The following EIF2B4 variants were observed in gnomAD, a reference collection of about 807,000 sequenced individuals.
EIF2B4 encodes eukaryotic translation initiation factor 2B subunit delta, also known as translation initiation factor eIF2B subunit delta.
In EIF2B4, 34 loss-of-function variants were observed where a neutral mutation model predicts 66.7. The observed-to-expected ratio is 0.51, with a 90% CI of 0.39 to 0.68. EIF2B4 has a LOEUF of 0.68. EIF2B4 is among the 30% of genes least tolerant of loss of function. EIF2B4 has a pLI of 0.00. For missense variants in EIF2B4, 618 were observed against 657.9 expected, an observed-to-expected ratio of 0.94 and a Z score of 0.66; for synonymous variants, 278 against 253.6, an observed-to-expected ratio of 1.10 and a Z score of -0.92.
rs754354365 is a variant in EIF2B4 at position 27,366,882 on chromosome 2, A to G, written c.1068T>C (p.Phe356=). 3.7e-6 allele frequency: 6 copies of G among 1,613,722 alleles called. No individual in the cohort carries two copies. The highest frequency in any genetic ancestry group is 5.1e-6 in the Non-Finnish European group (6 of 1,179,634). ...GCCGGCTGTCCACCACTACCACCCG[A>G]AACCGCCGGCCCTCTGTCCAAGCCT... The part of the protein sequence containing the change: ...LQEAWTEGRR[F]RVVVVDSRPW... The change falls in exon 11 of 13, where the codon TTT becomes TTC. Residue 356 remains phenylalanine (F), a synonymous_variant. Transcript: ENST00000347454.
chr2:27,369,820 G>A (rs1260078290), intron 2 of EIF2B4, 56 bp downstream of exon 2: 2 of 1,532,048 alleles, frequency 1.3e-6, no homozygotes, highest in Non-Finnish European at 1.8e-6. Context: ...GAATAAAGCT[G>A]GCACAGCCTC....
In EIF2B4 at chr2:27,366,617, T is replaced by A. The variant is rs903095573; in HGVS notation, c.1191+142A>T. On this transcript the variant is annotated intron_variant, in intron 11 of 12. Transcript: ENST00000347454. ...TCACCTGAGCCCAGGAGGTCAAGAC[T>A]GCAGTGAGCTGTGATCACGTCGCTG... 2.8e-5 allele frequency: 27 copies of A among 962,828 alleles called. No individual in the cohort carries two copies. The African/African-American group carries it at 4.2e-4, about 15-fold the overall frequency. The allele number at this position is 962,828 out of a possible 1,614,324, so 59.6% of individuals were successfully genotyped here.
rs377209171 is a variant in EIF2B4, at chr2:27,369,436, A to C, written c.189T>G (p.Ala63=). ...EKGAEPETGS[A]VSAAQCQVGP... The stretch of plus-strand genomic sequence containing the variant: ...CACCTTGACATTGGGCTGCAGATAC[A>C]GCAGAGCCAGTCTCTGGTTCTGCCC... Residue 63 remains alanine (A), a synonymous_variant, in exon 3 of 13, where the codon GCT becomes GCG. Transcript: ENST00000347454. 14 of 1,613,926 alleles carry C rather than the reference A, an allele frequency of 8.7e-6. No individual in the cohort carries two copies. Among genetic ancestry groups the C allele is most frequent in the Non-Finnish European group, 1.1e-5 (13 of 1,180,016 alleles).
intron 9 of EIF2B4, 78 bp downstream of exon 9, chr2:27,367,379 G>A: frequency 6.3e-7 from 1 of 1,593,850 alleles, no homozygotes; most frequent in Non-Finnish European, 8.6e-7. Flanking sequence ...GGCTTACGTT[G>A]GCCTTCCCGG....
Position 27,369,122 on chromosome 2 carries a change from C to T in EIF2B4, c.302G>A (p.Arg101Gln). The change falls in exon 4 of 13, where the codon CGG (arginine) becomes CAG (glutamine). Residue 101 changes from arginine (R) to glutamine (Q), a missense_variant. By Grantham distance (43) the Arg-to-Gln change is conservative. This residue lies in a region of EIF2B4 where 506 missense variants were observed against 511.9 expected (regional missense o/e 0.99). Transcript: ENST00000347454. Reference protein sequence around the residue: ...VPAGRSKAELRAERRAKQEAE... With the variant: ...VPAGRSKAELQAERRAKQEAE... ...CTCCTGCTTGGCTCGACGCTCAGCC[C>T]GAAGTTCGGCCTTACTCCGACCAGC... 6.2e-7 allele frequency: 1 copy of T among 1,614,044 alleles called. No homozygotes were observed. The highest frequency in any genetic ancestry group is 8.5e-7 in the Non-Finnish European group (1 of 1,180,012).
chr2:27,370,258 G>C, intron 1 of EIF2B4, 26 bp downstream of exon 1: 1 of 1,547,960 alleles, frequency 6.5e-7, no homozygotes, highest in Middle Eastern at 1.7e-4. Context: ...CCGCGTACCA[G>C]TAGGCAGGCC....
chr2:27,364,359 G>T lies in EIF2B4; in HGVS notation c.*41C>A. 1.3e-6 allele frequency: 2 copies of T among 1,596,030 alleles called. No individual in the cohort carries two copies. Among genetic ancestry groups the T allele is most frequent in the South Asian group, 2.2e-5 (2 of 89,894 alleles). On this transcript the variant is annotated 3_prime_UTR_variant, in exon 13 of 13. Coordinates refer to ENST00000347454, the MANE Select transcript of EIF2B4 (RefSeq NM_001034116.2). ...GAAACAAAGGCAGCAGAGTTGCTGA[G>T]GGTAGGGAGTATGGCATTTATTAAC...
Position 27,369,914 on chromosome 2 carries a change from C to T in EIF2B4, c.37G>A (p.Gly13Arg), listed in dbSNP as rs756513459. The T allele has an allele frequency of 1.9e-6, 3 of 1,583,446 alleles. No homozygotes were observed. Among genetic ancestry groups the T allele is most frequent in the Non-Finnish European group, 2.6e-6 (3 of 1,165,172 alleles). Residue 13 changes from glycine (G) to arginine (R), a missense_variant, in exon 2 of 13, where the codon GGA (glycine) becomes AGA (arginine). Gly to Arg is a moderately radical substitution (Grantham distance 125). Around this residue, in one of 4 missense-constraint regions of EIF2B4, gnomAD observed 506 missense variants for 511.9 expected, o/e 0.99. Coordinates refer to ENST00000347454, the MANE Select transcript of EIF2B4 (RefSeq NM_001034116.2). ...GGAAGCTCCGCCTTCATCCCGGATCCCGAGTCTGCATCAGAAAACAGGGCA... is the reference window on the plus strand; with the variant it reads ...GGAAGCTCCGCCTTCATCCCGGATCTCGAGTCTGCATCAGAAAACAGGGCA... ...AVAVAVREDS[G>R]SGMKAELPPG...
intron 11 of EIF2B4, 107 bp from the exon 12 acceptor site, chr2:27,365,005 C>T: frequency 1.8e-6 from 2 of 1,121,854 alleles, no homozygotes; most frequent in African/African-American, 1.6e-5. Flanking sequence ...TAAATCTCAA[C>T]ACCTGTGAAA....
chr2:27,366,982 G>A (rs753949012), intron 10 of EIF2B4, 46 bp from the exon 11 acceptor site: 1 of 1,613,944 alleles, frequency 6.2e-7, no homozygotes, highest in South Asian at 1.1e-5. Context: ...GTCAGTAACT[G>A]ATGACTAACT....
intron 4 of EIF2B4, 81 bp from the exon 5 acceptor site, chr2:27,368,814 GA>G (rs1246263541): frequency 6.6e-7 from 1 of 1,513,388 alleles, no homozygotes; most frequent in African/African-American, 1.4e-5. Context: ...GGGGCATCAA[GA>G]AAAACAGGAT....
rs1682027220 is a variant in EIF2B4 at position 27,368,433 on chromosome 2, C to G, written c.529G>C (p.Val177Leu). The stretch of plus-strand genomic sequence containing the variant: ...TGGGGTAGGTGAGAGAAGAGACTGA[C>G]TTTGGATCCATAATCCTTTCGTGTA... ...VPTRKDYGSK[V>L]SLFSHLPQYS... is the part of the protein sequence containing the mutation. The change falls in exon 6 of 13, where the codon GTC becomes CTC. Residue 177 changes from valine (V) to leucine (L), a missense_variant. Val to Leu is a conservative substitution (Grantham distance 32). This residue lies in a region of EIF2B4 where 506 missense variants were observed against 511.9 expected (regional missense o/e 0.99). Coordinates refer to ENST00000347454, the MANE Select transcript of EIF2B4 (RefSeq NM_001034116.2). The G allele has an allele frequency of 3.1e-6, 5 of 1,614,158 alleles. No homozygotes were observed. The highest frequency in any genetic ancestry group is 4.2e-6 in the Non-Finnish European group (5 of 1,180,006).
intron 11 of EIF2B4, chr2:27,366,159 C>CTCT (rs1176437042): frequency 1.4e-5 from 2 of 146,890 alleles, no homozygotes; most frequent in African/African-American, 5.4e-5. Context: ...TCACCTCAGC[C>CTCT]TAAGTAGCTG....
intron 6 of EIF2B4, 74 bp from the exon 7 acceptor site, chr2:27,368,213 G>C (rs1682009234): frequency 2.9e-6 from 4 of 1,373,046 alleles, no homozygotes; most frequent in Non-Finnish European, 3.1e-6. Context: ...CTGATGAAAA[G>C]GAACTCCCTT....
rs1234933371 is a variant in EIF2B4, at chr2:27,368,961, G to A, written c.418+45C>T. 43 of 1,610,330 alleles carry A rather than the reference G, an allele frequency of 2.7e-5. No homozygotes were observed. The East Asian group carries it at 7.4e-4, about 28-fold the overall frequency. ...TTACTATTGGGCAGCCTGAGCTGGCGTTATAATTAGGAGTAAGGGAGGTCT... is the reference window on the plus strand; with the variant it reads ...TTACTATTGGGCAGCCTGAGCTGGCATTATAATTAGGAGTAAGGGAGGTCT... On this transcript the variant is annotated intron_variant, in intron 4 of 12. Transcript: ENST00000347454.
Position 27,367,543 on chromosome 2 carries a change from G to A in EIF2B4, c.799C>T (p.Arg267Cys), listed in dbSNP as rs889851700. ...KPYMSFLTQC[R>C]PLSASMHNAI... ...TTGTGCATGCTCGCTGACAGGGGAC[G>A]GCACTGAGTCAGGAAGCTATAATAC... The change falls in exon 9 of 13, where the codon CGT (arginine) becomes TGT (cysteine). Residue 267 changes from arginine to cysteine, a missense_variant. By Grantham distance (180) the Arg-to-Cys change is radical (BLOSUM62 -3). This residue lies in a region of EIF2B4 where 506 missense variants were observed against 511.9 expected (regional missense o/e 0.99). Transcript: ENST00000347454. 5 of 1,613,930 alleles carry A rather than the reference G, an allele frequency of 3.1e-6. No individual in the cohort carries two copies. Among genetic ancestry groups the A allele is most frequent in the South Asian group, 2.2e-5 (2 of 91,072 alleles).
At chr2:27,370,188 G>A (rs537135294) in intron 1 of EIF2B4, 96 bp downstream of exon 1, 9 of 1,526,164 alleles carry the variant, frequency 5.9e-6, no homozygotes, top group Middle Eastern at 1.7e-4. Flanking sequence ...GCGCTGGAAC[G>A]GAGCGGCGGG....
At chr2:27,366,217 T>TG (rs1187220558) in intron 11 of EIF2B4, 1 of 2,980 alleles carries the variant, frequency 3.4e-4, no homozygotes, top group Non-Finnish European at 5.4e-4. Context: ...TGGGGTGGGG[T>TG]GTGTGTGTGT....
rs368895871 is a variant in EIF2B4, at chr2:27,367,718, G to C, written c.782+28C>G. 1.8e-5 allele frequency: 29 copies of C among 1,599,574 alleles called. No homozygotes were observed. In the African/African-American group the frequency reaches 3.6e-4, roughly 20 times the overall value. ...GTACAAGACAAAGATTGGGCGAGCTGGGAGTGGACTTATAGTGTTGTCCCT... is the reference window on the plus strand; with the variant it reads ...GTACAAGACAAAGATTGGGCGAGCTCGGAGTGGACTTATAGTGTTGTCCCT... On this transcript the variant is annotated intron_variant, in intron 8 of 12. Coordinates refer to ENST00000347454, the MANE Select transcript of EIF2B4 (RefSeq NM_001034116.2).
Sources: allele counts gnomAD v4.1 joint callset, GRCh38; gene constraint gnomAD v4.1.1; regional missense constraint gnomAD v4.1.1; transcripts MANE v1.5; gene names NCBI Gene and HGNC (gene_info 2026-07-23, HGNC 2026-07-21).